STON2: variants seen among roughly 807,000 people sequenced by gnomAD.
STON2 encodes stonin-2.
A neutral mutation model predicts 65.7 loss-of-function variants in STON2; 29 were observed. The ratio of observed to expected loss-of-function variants is 0.44; its 90% CI spans 0.33 to 0.60. The LOEUF (loss-of-function observed/expected upper bound fraction) is 0.60, where lower values mean the gene tolerates loss of function less well. Among genes scored for constraint, STON2 ranks in the 20% least tolerant of loss-of-function variants. The probability of loss-of-function intolerance (pLI) is 0.03; values close to 1 mark genes in which losing one functional copy is unlikely to be tolerated. For missense variants in STON2, 1,054 were observed against 1,118.1 expected (o/e 0.94, Z 0.82); for synonymous variants, 404 against 414.2 (o/e 0.98, Z 0.30).
At chr14:81,427,113 C>T (rs1902015349) in exon 2 of STON2, 1 of 152,192 alleles carries the variant, frequency 6.6e-6, no homozygotes, top group Admixed American at 6.5e-5. Context: ...TGAAACCGCA[C>T]AATTCAAACC....
rs1159227073 is a variant in STON2 at position 81,266,342 on chromosome 14, C to T, written c.*2072G>A. ...CAAACATTTGTCACCTGTAAAGTTC[C>T]TCTTTGTTCTTATTTTTGCCCTTTG... On this transcript the variant is annotated 3_prime_UTR_variant, in exon 8 of 8. Transcript: ENST00000614646. Among the ~76,000 whole-genome samples the T allele has an allele frequency of 6.6e-6, 1 of 152,096 alleles. No individual in the cohort carries two copies. Among genetic ancestry groups the T allele is most frequent in the Non-Finnish European group, 1.5e-5 (1 of 68,004 alleles).
intron 5 of STON2, among the ~76,000 whole-genome samples, chr14:81,283,696 A>G (rs1895220908): frequency 6.6e-6 from 1 of 151,994 alleles, no homozygotes; most frequent in South Asian, 2.1e-4. Context: ...ACGCCCGGCT[A>G]ATTTTTGTAT....
At position 81,262,922 on chromosome 14, in the gene STON2, C is replaced by A; in HGVS notation, c.*5492G>T. 1.0e-6 allele frequency: 1 copy of A among 985,418 alleles called. No homozygotes were observed. Among genetic ancestry groups the A allele is most frequent in the Non-Finnish European group, 1.2e-6 (1 of 829,914 alleles). The allele number at this position is 985,418 out of a possible 1,614,324, so 61.0% of individuals were successfully genotyped here. ...GAGTCATGATATCTAAAGCCAGTCT[C>A]ATTTAAACAAGATAAGAAATGGTTT... is the stretch of plus-strand genomic sequence containing the variant. On this transcript the variant is annotated 3_prime_UTR_variant, in exon 8 of 8. Transcript: ENST00000614646.
At position 81,277,760 on chromosome 14, in the gene STON2, A is replaced by C; in HGVS notation, c.1722T>G (p.Ala574=). The change falls in exon 6 of 8, where the codon GCT becomes GCG. Residue 574 remains alanine, a synonymous_variant. Transcript: ENST00000614646. ...KEKKKYQPKP[A]VAHTAEREQV... is the part of the protein sequence containing the mutation. Reference sequence around the variant, plus strand: ...GTTCCCTCTCTGCTGTGTGGGCCACAGCAGGTTTGGGCTGGTATTTCTTCT... The same window carrying C: ...GTTCCCTCTCTGCTGTGTGGGCCACCGCAGGTTTGGGCTGGTATTTCTTCT... 1 of 1,614,222 alleles carries C rather than the reference A, an allele frequency of 6.2e-7. No individual in the cohort carries two copies.
rs970705366 is a variant in STON2 at position 81,260,799 on chromosome 14, AC to A, written c.*7614del. On this transcript the variant is annotated 3_prime_UTR_variant, in exon 8 of 8. Coordinates refer to ENST00000614646, the MANE Select transcript of STON2 (RefSeq NM_001394390.1). The stretch of plus-strand genomic sequence containing the variant: ...ATAGGCACATATTAAAAAAAAAAAA[AC>A]ATAAACTGGTTTTACATAAAATTAA... 14 of 152,172 alleles carry A rather than the reference AC, an allele frequency of 9.2e-5. No individual in the cohort carries two copies. The highest frequency in any genetic ancestry group is 1.9e-4 in the East Asian group (1 of 5,180). 9.4% of individuals were successfully genotyped at this position (152,172 alleles called of 1,614,324 possible).
At chr14:81,318,469 T>A (rs539752927) in intron 5 of STON2, among the ~76,000 whole-genome samples, 1 of 152,318 alleles carries the variant, frequency 6.6e-6, no homozygotes, top group East Asian at 1.9e-4. Context: ...CTTCTCCCAC[T>A]GGGGAAGAGT....
intron 4 of STON2, among the ~76,000 whole-genome samples, chr14:81,350,403 T>C (rs1897979026): frequency 6.6e-6 from 1 of 152,104 alleles, no homozygotes; most frequent in African/African-American, 2.4e-5. Flanking sequence ...TCCATCTCCA[T>C]TGGCTCCACT....
intron 5 of STON2, among the ~76,000 whole-genome samples, chr14:81,306,220 C>CTATTTTTTTTTTTTT: frequency 1.4e-5 from 1 of 69,490 alleles, no homozygotes; most frequent in Non-Finnish European, 2.6e-5. Flanking sequence ...CATACATACT[C>CTATTTTTTTTTTTTT]TTTTTTTTTT....
chr14:81,297,505 G>C (rs538923232), intron 5 of STON2, among the ~76,000 whole-genome samples: 1 of 152,268 alleles, frequency 6.6e-6, no homozygotes, highest in African/African-American at 2.4e-5. Context: ...TTCTGAGTCT[G>C]TTTCCTCACT....
intron 1 of STON2, among the ~76,000 whole-genome samples, chr14:81,434,039 G>C (rs1254276249): frequency 4.6e-5 from 7 of 152,154 alleles, no homozygotes. Context: ...CCTCGGTCAA[G>C]CTTTTTGTGT....
At chr14:81,372,417 T>C (rs1899041881) in intron 3 of STON2, among the ~76,000 whole-genome samples, 1 of 151,978 alleles carries the variant, frequency 6.6e-6, no homozygotes, top group African/African-American at 2.4e-5. Context: ...TAGCTGGGCA[T>C]GGTGGCGGGC....
In STON2 at chr14:81,263,248, T is replaced by C; in HGVS notation, c.*5166A>G. 1.1e-6 allele frequency: 1 copy of C among 887,240 alleles called. No individual in the cohort carries two copies. Among genetic ancestry groups the C allele is most frequent in the Non-Finnish European group, 1.4e-6 (1 of 740,600 alleles). The allele number at this position is 887,240 out of a possible 1,614,324, so 55.0% of individuals were successfully genotyped here. ...ATTCGTAAACTTTCTTAAAACATTA[T>C]GCTATTTTGGCCAGGCGCGGCGGCT... On this transcript the variant is annotated 3_prime_UTR_variant, in exon 8 of 8. Coordinates refer to ENST00000614646, the MANE Select transcript of STON2 (RefSeq NM_001394390.1).
At chr14:81,367,839 C>T (rs543712832) in intron 4 of STON2, among the ~76,000 whole-genome samples, 18 of 111,700 alleles carry the variant, frequency 1.6e-4, no homozygotes, top group African/African-American at 5.1e-4. Context: ...AGGAAGACTG[C>T]GTCCGTCAAA....
chr14:81,408,572 T>C (rs1477462568), intron 2 of STON2, among the ~76,000 whole-genome samples: 1 of 152,236 alleles, frequency 6.6e-6, no homozygotes, highest in East Asian at 1.9e-4. Flanking sequence ...TATATGTGTG[T>C]ATACACACTT....
intron 2 of STON2, among the ~76,000 whole-genome samples, chr14:81,415,296 G>A: frequency 9.6e-6 from 1 of 104,412 alleles, no homozygotes; most frequent in South Asian, 3.2e-4. Context: ...GCTGAGGCCA[G>A]AGAGGCCTCA....
rs1414535475 is a variant in STON2 at position 81,406,995 on chromosome 14, G to A, written c.-198-8415C>T. On this transcript the variant is annotated intron_variant, in intron 2 of 8. Transcript: ENST00000553821. ...GTTTTCTTAGCTCAGTATGACTGCT[G>A]TGCTTGGCTTAGACTCCAGCTGACC... Among the ~76,000 whole-genome samples the A allele has an allele frequency of 2.6e-5, 4 of 152,152 alleles. No homozygotes were observed. The South Asian group carries it at 6.2e-4, about 24-fold the overall frequency.
chr14:81,406,565 A>G (rs1400287576), intron 2 of STON2, among the ~76,000 whole-genome samples: 1 of 152,142 alleles, frequency 6.6e-6, no homozygotes, highest in African/African-American at 2.4e-5. Context: ...AATAATAATA[A>G]CTACTGGCCC....
chr14:81,270,277 G>T (rs1020690594), intron 7 of STON2: 32 of 607,188 alleles, frequency 5.3e-5, no homozygotes, highest in Non-Finnish European at 5.8e-5. Flanking sequence ...TAGAGATGGG[G>T]TTTCGCCATG....
At chr14:81,434,892 G>A (rs558759026) in intron 1 of STON2, among the ~76,000 whole-genome samples, 2 of 152,300 alleles carry the variant, frequency 1.3e-5, no homozygotes, top group East Asian at 3.9e-4. Flanking sequence ...CCTAAAAGTA[G>A]CAACTGCAAT....
Sources: gnomAD v4.1 joint callset for allele counts (sites outside exome capture counted in the v4.1 genomes callset) on GRCh38, gnomAD v4.1.1 for gene constraint, MANE v1.5 for transcripts, NCBI Gene and HGNC (gene_info 2026-07-23, HGNC 2026-07-21) for gene names.